Variants in OR10H1 observed in about 807,000 individuals in gnomAD.
OR10H1 encodes the protein olfactory receptor family 10 subfamily H member 1, also known as olfactory receptor 10H1.
In OR10H1, 12 loss-of-function variants were observed where a neutral mutation model predicts 13.1. The observed-to-expected ratio is 0.92, with a 90% CI of 0.59 to 1.48. The LOEUF (loss-of-function observed/expected upper bound fraction) is 1.48. Ranked by LOEUF, OR10H1 falls within the 40% of genes most tolerant of loss-of-function variation. The pLI is 0.00. For missense variants in OR10H1, 363 were observed against 413.1 expected (o/e 0.88, Z 1.05); for synonymous variants, 168 against 175.6 (o/e 0.96, Z 0.34).
chr19:15,811,912 C>T (rs1270756091), intron 2 of OR10H1, among the ~76,000 whole-genome samples: 3 of 152,158 alleles, frequency 2.0e-5, no homozygotes, highest in Admixed American at 6.5e-5. Context: ...GATTGTGAAT[C>T]CCTGAAGCCA....
intron 1 of OR10H1, among the ~76,000 whole-genome samples, chr19:15,814,856 A>C (rs1490726012): frequency 6.6e-6 from 1 of 152,038 alleles, no homozygotes; most frequent in Non-Finnish European, 1.5e-5. Context: ...TGAACCCTGA[A>C]TCCTCTTTCT....
At chr19:15,810,183 T>A (rs1396244102) in intron 2 of OR10H1, among the ~76,000 whole-genome samples, 1 of 149,952 alleles carries the variant, frequency 6.7e-6, no homozygotes, top group African/African-American at 2.5e-5. Context: ...TGGTCCCAGC[T>A]ACTCAAGAGG....
chr19:15,808,241 G>A (rs2088914532), intron 3 of OR10H1, 193 bp from the exon 4 acceptor site: 3 of 590,072 alleles, frequency 5.1e-6, no homozygotes, highest in African/African-American at 3.7e-5. Context: ...CCCTTTTGAA[G>A]TACCTTGAGC....
rs1192136384 is a variant in OR10H1 at position 15,808,016 on chromosome 19, T to C, written c.22A>G (p.Thr8Ala). The change falls in exon 4 of 4, where the codon ACA becomes GCA. Residue 8 changes from threonine to alanine, a missense_variant. This residue lies in a region of OR10H1 where 318 missense variants were observed against 366.6 expected (regional missense o/e 0.87). Coordinates refer to ENST00000641419, the MANE Select transcript of OR10H1 (RefSeq NM_013940.4). ...CCGACGAGGATGAATTGGGTCACTG[T>C]GGAGTGATTGGCTCTCTGCATGGAG... MQRANHS[T>A]VTQFILVGFS... The C allele has an allele frequency of 6.2e-7, 1 of 1,613,248 alleles. No individual in the cohort carries two copies. The highest frequency in any genetic ancestry group is 1.7e-5 in the Admixed American group (1 of 60,002).
intron 3 of OR10H1, 94 bp from the exon 4 acceptor site, chr19:15,808,142 G>T: frequency 9.7e-7 from 1 of 1,033,574 alleles, no homozygotes; most frequent in East Asian, 2.4e-5. Flanking sequence ...GACTGCTCTT[G>T]ATAAATGGTT....
chr19:15,808,929 T>G (rs1416885116), intron 2 of OR10H1, 88 bp from the exon 3 acceptor site: 1 of 152,172 alleles, frequency 6.6e-6, no homozygotes, highest in Non-Finnish European at 1.5e-5. Flanking sequence ...ATTCCTTCTC[T>G]GCCCTCCTAC....
At chr19:15,808,174 C>T in intron 3 of OR10H1, 126 bp from the exon 4 acceptor site, 1 of 734,816 alleles carries the variant, frequency 1.4e-6, no homozygotes, top group East Asian at 2.6e-5. Context: ...CCACTCTGTA[C>T]CTCCTATAAT....
intron 2 of OR10H1, among the ~76,000 whole-genome samples, chr19:15,810,927 A>C (rs1488008440): frequency 2.0e-5 from 3 of 152,070 alleles, no homozygotes; most frequent in Non-Finnish European, 2.9e-5. Context: ...ATAAATAAAT[A>C]AATAGGTAAA....
chr19:15,807,092 C>T lies in OR10H1; in HGVS notation c.946G>A (p.Val316Ile), dbSNP rs1223554327. 3.1e-6 allele frequency: 5 copies of T among 1,610,088 alleles called. No homozygotes were observed. The East Asian group carries it at 6.7e-5, about 22-fold the overall frequency. Residue 316 changes from valine (V) to isoleucine (I), a missense_variant, in exon 4 of 4, where the codon GTA becomes ATA. Physicochemically the swap from Val to Ile is conservative, Grantham distance 29. Transcript: ENST00000641419. ...FFSKLYPEKN[V>I]MM ...CCAGTGAATTTCTCCTACATCATTA[C>T]ATTTTTTTCTGGGTAGAGTTTACTG...
intron 2 of OR10H1, among the ~76,000 whole-genome samples, chr19:15,810,715 A>G (rs2088928262): frequency 6.6e-6 from 1 of 152,092 alleles, no homozygotes; most frequent in Non-Finnish European, 1.5e-5. Context: ...TTTTGGGCTA[A>G]TAAAAAATTA....
intron 2 of OR10H1, among the ~76,000 whole-genome samples, chr19:15,810,482 C>T (rs779882559): frequency 6.6e-6 from 1 of 151,622 alleles, no homozygotes; most frequent in Non-Finnish European, 1.5e-5. Flanking sequence ...TATTAAAACA[C>T]CACAGCATGC....
chr19:15,810,175 G>A (rs968248122), intron 2 of OR10H1, among the ~76,000 whole-genome samples: 1 of 151,172 alleles, frequency 6.6e-6, no homozygotes, highest in African/African-American at 2.4e-5. Context: ...CAGGCCTGTG[G>A]TCCCAGCTAC....
Position 15,807,463 on chromosome 19 carries a change from T to G in OR10H1, c.575A>C (p.Asp192Ala). Residue 192 changes from aspartate to alanine, a missense_variant, in exon 4 of 4, where the codon GAT (aspartate) becomes GCT (alanine). Transcript: ENST00000641419. ...PPLLKLACGDDVLVVAKGVGL... is the reference protein window; with the variant it reads ...PPLLKLACGDAVLVVAKGVGL... ...CACGCCTTTGGCCACCACCAGCACATCGTCTCCACAGGCCAACTTCAACAG... is the reference window on the plus strand; with the variant it reads ...CACGCCTTTGGCCACCACCAGCACAGCGTCTCCACAGGCCAACTTCAACAG... 1.2e-6 allele frequency: 2 copies of G among 1,614,126 alleles called. No individual in the cohort carries two copies. The highest frequency in any genetic ancestry group is 1.6e-4 in the Middle Eastern group (1 of 6,062).
chr19:15,808,274 T>G, intron 3 of OR10H1: 1 of 543,586 alleles, frequency 1.8e-6, no homozygotes, highest in Non-Finnish European at 3.3e-6. Flanking sequence ...AATATTGAAA[T>G]GTAGAGCTTG....
intron 2 of OR10H1, among the ~76,000 whole-genome samples, chr19:15,809,959 G>A (rs2088924234): frequency 6.6e-6 from 1 of 152,074 alleles, no homozygotes; most frequent in Non-Finnish European, 1.5e-5. Flanking sequence ...TGGGACTACA[G>A]GCATGCACCA....
chr19:15,815,340 CAAAAAA>C (rs10648172), intron 1 of OR10H1, among the ~76,000 whole-genome samples: 36,159 of 115,788 alleles, frequency 0.31, 4,870 homozygotes, highest in Middle Eastern at 0.41. Flanking sequence ...GATTCCGTCT[CAAAAAA>C]AAAAAAAAAA....
At chr19:15,809,261 ATTATTTATTTAT>A (rs35567686) in intron 2 of OR10H1, among the ~76,000 whole-genome samples, 26 of 130,332 alleles carry the variant, frequency 2.0e-4, no homozygotes, top group Non-Finnish European at 4.1e-4. Context: ...TTGTGTAATG[ATTATTTATTTAT>A]TTATTTATTT....
chr19:15,813,673 T>G (rs879538989), intron 1 of OR10H1, among the ~76,000 whole-genome samples: 8,929 of 39,276 alleles, frequency 0.23, no homozygotes, highest in Non-Finnish European at 0.25. Context: ...GAGTGGGAGG[T>G]GGGGGGAGAG....
chr19:15,807,055 A>G lies in OR10H1; in HGVS notation c.*26T>C, dbSNP rs765557923. 34 of 1,589,424 alleles carry G rather than the reference A, an allele frequency of 2.1e-5. No individual in the cohort carries two copies. The highest frequency in any genetic ancestry group is 2.9e-5 in the Non-Finnish European group (34 of 1,162,942). ...TTTAACAATAGCCTTCGGTAATCCA[A>G]TTTAGTTGTTCCCAGTGAATTTCTC... On this transcript the variant is annotated 3_prime_UTR_variant, in exon 4 of 4. Coordinates refer to ENST00000641419, the MANE Select transcript of OR10H1 (RefSeq NM_013940.4).
Sources: allele counts gnomAD v4.1 joint callset (sites outside exome capture counted in the v4.1 genomes callset), GRCh38; gene constraint gnomAD v4.1.1; regional missense constraint gnomAD v4.1.1; transcripts MANE v1.5; gene names NCBI Gene and HGNC (gene_info 2026-07-23, HGNC 2026-07-21).